The following WWOX variants were observed in gnomAD, a reference collection of about 807,000 sequenced individuals.
The protein encoded by WWOX is WW domain-containing oxidoreductase.
A neutral mutation model predicts 46.2 loss-of-function variants in WWOX; 69 were observed. That is an observed-to-expected ratio of 1.49 (90% CI 1.23 to 1.82). The LOEUF (loss-of-function observed/expected upper bound fraction) is 1.82. Ranked by LOEUF, WWOX falls within the 40% of genes most tolerant of loss-of-function variation. The pLI, the probability that WWOX is intolerant of heterozygous loss-of-function variation, is 0.00. For missense variants in WWOX, 919 were observed against 542.6 expected (o/e 1.69, Z -6.89); for synonymous variants, 359 against 202.6 (o/e 1.77, Z -6.56).
intron 5 of WWOX, among the ~76,000 whole-genome samples, chr16:78,194,126 C>T (rs1037238805): frequency 2.0e-5 from 3 of 151,756 alleles, no homozygotes; most frequent in Non-Finnish European, 4.4e-5. Context: ...GATCCGTCCG[C>T]CTCGGCCTCC....
At chr16:79,012,226 G>A (rs145436342) in intron 8 of WWOX, among the ~76,000 whole-genome samples, 199 of 152,126 alleles carry the variant, frequency 1.3e-3, no homozygotes, top group African/African-American at 4.5e-3. Flanking sequence ...CATGCAACTA[G>A]TATGACATCT....
At chr16:78,822,196 C>G (rs533363561) in intron 8 of WWOX, among the ~76,000 whole-genome samples, 2 of 151,822 alleles carry the variant, frequency 1.3e-5, no homozygotes, top group African/African-American at 4.8e-5. Flanking sequence ...TCTTTAGTGT[C>G]AAAAAATCTA....
intron 8 of WWOX, among the ~76,000 whole-genome samples, chr16:78,528,534 A>T (rs1280945534): frequency 2.0e-5 from 3 of 152,060 alleles, no homozygotes; most frequent in African/African-American, 7.2e-5. Flanking sequence ...TTATCATACA[A>T]AGTAGTGGTA....
chr16:78,910,815 C>G (rs890501509), intron 8 of WWOX, among the ~76,000 whole-genome samples: 5 of 151,860 alleles, frequency 3.3e-5, no homozygotes, highest in African/African-American at 4.8e-5. Context: ...TTACCTCTCA[C>G]CGGGTCCCTC....
At chr16:78,162,270 A>G (rs2034819024) in intron 4 of WWOX, among the ~76,000 whole-genome samples, 1 of 152,168 alleles carries the variant, frequency 6.6e-6, no homozygotes, top group Non-Finnish European at 1.5e-5. Flanking sequence ...TGTGGCTTCC[A>G]TCATTTTCCT....
Position 79,197,008 on chromosome 16 carries a change from C to T in WWOX, c.1057-14600C>T, listed in dbSNP as rs143389109. Among the ~76,000 whole-genome samples the T allele has an allele frequency of 1.1e-3, 163 of 152,206 alleles. 1 individual carries two copies. The highest frequency in any genetic ancestry group is 2.4e-3 in the Admixed American group (36 of 15,286). Reference sequence around the variant, plus strand: ...GGTGCTGCAGTATTAACTGAGGCAACGTTGCAACGTTTCTAGAATGATATT... The same window carrying T: ...GGTGCTGCAGTATTAACTGAGGCAATGTTGCAACGTTTCTAGAATGATATT... On this transcript the variant is annotated intron_variant, in intron 8 of 8. Transcript: ENST00000566780.
intron 8 of WWOX, among the ~76,000 whole-genome samples, chr16:79,210,320 C>T (rs2051682408): frequency 6.6e-6 from 1 of 152,176 alleles, no homozygotes; most frequent in East Asian, 1.9e-4. Context: ...CCCTATTTCT[C>T]AGTATGGACC....
intron 8 of WWOX, among the ~76,000 whole-genome samples, chr16:78,969,146 G>A (rs906716415): frequency 6.6e-6 from 1 of 152,084 alleles, no homozygotes; most frequent in East Asian, 1.9e-4. Context: ...CTGTTTCTGT[G>A]TCTGGTCTTA....
rs1567501171 is a variant in WWOX, at chr16:79,031,888, G to GATATCTA, written c.1057-179720_1057-179719insATATCTA. ...GATAGATATCTATATACAGATATCT[G>GATATCTA]TATACAGATATCTATATATATAGAT... On this transcript the variant is annotated intron_variant, in intron 8 of 8. Coordinates refer to ENST00000566780, the MANE Select transcript of WWOX (RefSeq NM_016373.4). Among the ~76,000 whole-genome samples the GATATCTA allele has an allele frequency of 7.4e-4, 50 of 67,118 alleles. No homozygotes were observed. In the Middle Eastern group the frequency reaches 0.026, roughly 35 times the overall value. The allele number at this position is 67,118 out of a possible 152,430, so 44.0% of individuals were successfully genotyped here.
chr16:79,145,332 A>C (rs2150723121), intron 8 of WWOX, among the ~76,000 whole-genome samples: 1 of 152,296 alleles, frequency 6.6e-6, no homozygotes, highest in East Asian at 1.9e-4. Flanking sequence ...AATTGGGAGA[A>C]AGGAAAACAC....
intron 8 of WWOX, among the ~76,000 whole-genome samples, chr16:78,561,975 A>C (rs889903346): frequency 9.0e-6 from 1 of 110,578 alleles, no homozygotes; most frequent in Non-Finnish European, 1.8e-5. Flanking sequence ...TTTTGCACCA[A>C]CCTAACAATG....
intron 8 of WWOX, among the ~76,000 whole-genome samples, chr16:78,655,759 G>A (rs2047066481): frequency 6.6e-6 from 1 of 152,078 alleles, no homozygotes; most frequent in Non-Finnish European, 1.5e-5. Context: ...GTTCTTCTGT[G>A]AACAATTATC....
intron 8 of WWOX, among the ~76,000 whole-genome samples, chr16:78,808,970 TAGG>T (rs1043675950): frequency 1.1e-4 from 16 of 152,104 alleles, no homozygotes; most frequent in Admixed American, 4.6e-4. Flanking sequence ...TAAATGTACT[TAGG>T]AGAATTCTCA....
At chr16:78,982,537 C>T (rs1475203094) in intron 8 of WWOX, among the ~76,000 whole-genome samples, 3 of 152,084 alleles carry the variant, frequency 2.0e-5, no homozygotes, top group South Asian at 2.1e-4. Context: ...TGACAGATTC[C>T]CACAGTGAGT....
intron 8 of WWOX, among the ~76,000 whole-genome samples, chr16:78,803,223 T>A (rs2142665053): frequency 6.6e-6 from 1 of 151,664 alleles, no homozygotes; most frequent in South Asian, 2.1e-4. Context: ...TAAAAAGCTG[T>A]GGCTATGAAG....
chr16:78,687,888 A>T (rs2047898741), intron 8 of WWOX, among the ~76,000 whole-genome samples: 1 of 152,168 alleles, frequency 6.6e-6, no homozygotes, highest in Non-Finnish European at 1.5e-5. Flanking sequence ...CTAGAAACGC[A>T]TGTTAAATGG....
At chr16:78,681,625 G>C (rs1371001037) in intron 8 of WWOX, among the ~76,000 whole-genome samples, 3 of 151,944 alleles carry the variant, frequency 2.0e-5, no homozygotes, top group Admixed American at 2.0e-4. Context: ...GGGACAGACC[G>C]AGGTTTGAGA....
chr16:78,486,229 C>A (rs564953453), intron 8 of WWOX, among the ~76,000 whole-genome samples: 2 of 152,128 alleles, frequency 1.3e-5, no homozygotes, highest in African/African-American at 4.8e-5. Context: ...TTTCAAGTTG[C>A]AGCTTGGAAC....
chr16:79,066,381 C>T (rs1025258182), intron 8 of WWOX, among the ~76,000 whole-genome samples: 1 of 152,130 alleles, frequency 6.6e-6, no homozygotes, highest in Non-Finnish European at 1.5e-5. Flanking sequence ...TCCATCAGGG[C>T]TGGGAAGGAA....
Sources: gnomAD v4.1 joint callset for allele counts (sites outside exome capture counted in the v4.1 genomes callset) on GRCh38, gnomAD v4.1.1 for gene constraint, MANE v1.5 for transcripts, NCBI Gene and HGNC (gene_info 2026-07-23, HGNC 2026-07-21) for gene names.